The following AK5 variants were observed in gnomAD, a reference collection of about 807,000 sequenced individuals.
The protein encoded by AK5 is adenylate kinase 5.
A neutral mutation model predicts 69.5 loss-of-function variants in AK5; 27 were observed. The observed-to-expected ratio is 0.39, with a 90% confidence interval of 0.29 to 0.54. The LOEUF (loss-of-function observed/expected upper bound fraction) is 0.54, where lower values mean the gene tolerates loss of function less well. Ranked by LOEUF, AK5 falls within the 20% of genes least tolerant of loss-of-function variation. The pLI is 0.71. For synonymous variants in AK5, 260 were observed against 244.4 expected (o/e 1.06, Z -0.60); for missense variants, 531 against 700.4 (o/e 0.76, Z 2.73).
At chr1:77,545,942 A>G (rs149194344) in intron 13 of AK5, among the ~76,000 whole-genome samples, 26 of 152,298 alleles carry the variant, frequency 1.7e-4, no homozygotes, top group African/African-American at 5.8e-4. Flanking sequence ...ATGAAGCATA[A>G]GTCTTCCATC....
intron 2 of AK5, among the ~76,000 whole-genome samples, chr1:77,288,791 T>G (rs1244113470): frequency 1.3e-5 from 2 of 152,206 alleles, no homozygotes; most frequent in Non-Finnish European, 2.9e-5. Context: ...ATTTTTGATG[T>G]GACTATAAGG....
intron 5 of AK5, among the ~76,000 whole-genome samples, chr1:77,339,959 G>A (rs1661566256): frequency 6.6e-6 from 1 of 152,152 alleles, no homozygotes; most frequent in East Asian, 1.9e-4. Context: ...CTGGCATACA[G>A]TAGATAATTT....
chr1:77,374,519 T>C (rs1323902086), intron 6 of AK5, among the ~76,000 whole-genome samples: 1 of 151,976 alleles, frequency 6.6e-6, no homozygotes, highest in Non-Finnish European at 1.5e-5. Flanking sequence ...TCTCTTCTTC[T>C]ATAAGTACGA....
At chr1:77,499,315 GT>G (rs1656554450) in intron 10 of AK5, among the ~76,000 whole-genome samples, 1 of 152,142 alleles carries the variant, frequency 6.6e-6, no homozygotes, top group Admixed American at 6.5e-5. Context: ...GAGTGTAGCT[GT>G]TTTGCTTTAC....
Position 77,443,617 on chromosome 1 carries a change from T to C in AK5, c.1059+25902T>C, listed in dbSNP as rs549098266. Among the ~76,000 whole-genome samples, 9 of 150,778 alleles carry C rather than the reference T, an allele frequency of 6.0e-5. No homozygotes were observed. The South Asian group carries it at 8.4e-4, about 14-fold the overall frequency. ...GGACACTGTAGAGATCCAAATAGAT[T>C]TAATGAATAAAATAATAATGCCGCA... On this transcript the variant is annotated intron_variant, in intron 8 of 13. Coordinates refer to ENST00000354567, the MANE Select transcript of AK5 (RefSeq NM_174858.3).
intron 12 of AK5, among the ~76,000 whole-genome samples, chr1:77,529,321 C>A (rs1004850271): frequency 2.1e-4 from 31 of 150,906 alleles, no homozygotes; most frequent in Non-Finnish European, 4.0e-4. Context: ...GTGTTAGGAC[C>A]CCCGTTTTAT....
chr1:77,555,410 A>G (rs955069382), intron 13 of AK5, among the ~76,000 whole-genome samples: 4 of 152,170 alleles, frequency 2.6e-5, no homozygotes, highest in African/African-American at 9.7e-5. Flanking sequence ...ACTCCCCCTC[A>G]TATCTGGCCA....
At chr1:77,405,459 A>G (rs1314162622) in intron 6 of AK5, among the ~76,000 whole-genome samples, 1 of 152,208 alleles carries the variant, frequency 6.6e-6, no homozygotes, top group South Asian at 2.1e-4. Context: ...GTCACCGCAT[A>G]TCCTAACCTT....
At chr1:77,344,280 T>C (rs1329679045) in intron 6 of AK5, among the ~76,000 whole-genome samples, 1 of 152,226 alleles carries the variant, frequency 6.6e-6, no homozygotes, top group Non-Finnish European at 1.5e-5. Flanking sequence ...CCATATGCAG[T>C]CATGTGTGCA....
chr1:77,391,495 G>GTATATATATATA (rs753916010), intron 6 of AK5, among the ~76,000 whole-genome samples: 12 of 63,380 alleles, frequency 1.9e-4, no homozygotes, highest in African/African-American at 4.7e-4. Context: ...GTGTGTGTGT[G>GTATATATATATA]TATATATATA....
intron 8 of AK5, among the ~76,000 whole-genome samples, chr1:77,453,530 CT>C (rs1415545719): frequency 6.6e-5 from 10 of 152,182 alleles, no homozygotes; most frequent in Non-Finnish European, 1.5e-5. Context: ...TCATGGGCAT[CT>C]AGGTTGTTTC....
At chr1:77,303,176 C>T (rs1475673732) in intron 5 of AK5, among the ~76,000 whole-genome samples, 1 of 152,182 alleles carries the variant, frequency 6.6e-6, no homozygotes, top group African/African-American at 2.4e-5. Context: ...TTAGTCCTCA[C>T]ATTCATGCAG....
chr1:77,525,867 G>A (rs1176645050), intron 12 of AK5, among the ~76,000 whole-genome samples: 1 of 152,116 alleles, frequency 6.6e-6, no homozygotes, highest in African/African-American at 2.4e-5. Context: ...AATAAGTTTT[G>A]AAATCAGGAA....
At chr1:77,290,970 G>T (rs2100649190) in intron 2 of AK5, among the ~76,000 whole-genome samples, 1 of 152,318 alleles carries the variant, frequency 6.6e-6, no homozygotes, top group South Asian at 2.1e-4. Flanking sequence ...ACAAAGGGCT[G>T]AATCTAACCT....
intron 12 of AK5, among the ~76,000 whole-genome samples, chr1:77,530,532 T>A (rs1299410497): frequency 6.6e-6 from 1 of 152,182 alleles, no homozygotes; most frequent in Non-Finnish European, 1.5e-5. Flanking sequence ...GCTGACTCTT[T>A]CTAGACCTAA....
chr1:77,441,095 A>G (rs1652299027), intron 8 of AK5, among the ~76,000 whole-genome samples: 1 of 151,906 alleles, frequency 6.6e-6, no homozygotes, highest in East Asian at 1.9e-4. Context: ...TCAGCTCTCT[A>G]TTGCATTTTT....
rs1025586282 is a variant in AK5 at position 77,282,121 on chromosome 1, G to A, written c.-193G>A. 2.3e-6 allele frequency: 1 copy of A among 440,694 alleles called. No individual in the cohort carries two copies. Among genetic ancestry groups the A allele is most frequent in the Non-Finnish European group, 4.0e-6 (1 of 249,930 alleles). The allele number at this position is 440,694 out of a possible 1,614,324, so 27.3% of individuals were successfully genotyped here. On this transcript the variant is annotated 5_prime_UTR_variant, in exon 1 of 14. Coordinates refer to ENST00000354567, the MANE Select transcript of AK5 (RefSeq NM_174858.3). The stretch of plus-strand genomic sequence containing the variant: ...ACCGAAGCGGGGGCGGCGGGAGCGC[G>A]GAGACCACAGCCCCCGGGGAGAGGC...
intron 13 of AK5, among the ~76,000 whole-genome samples, chr1:77,539,223 G>C (rs953934393): frequency 6.6e-5 from 10 of 152,336 alleles, no homozygotes; most frequent in Non-Finnish European, 1.3e-4. Flanking sequence ...GCCCAGAACG[G>C]GAGCCTAGTC....
At chr1:77,284,552 T>A (rs752927669) in intron 1 of AK5, among the ~76,000 whole-genome samples, 72 of 152,242 alleles carry the variant, frequency 4.7e-4, no homozygotes, top group Non-Finnish European at 7.1e-4. Context: ...TACGTTCATG[T>A]TTGAAATGTG....
Sources: gnomAD v4.1 joint callset for allele counts (sites outside exome capture counted in the v4.1 genomes callset) on GRCh38, gnomAD v4.1.1 for gene constraint, MANE v1.5 for transcripts, NCBI Gene and HGNC (gene_info 2026-07-23, HGNC 2026-07-21) for gene names.